HCN1: variants seen among roughly 807,000 people sequenced by gnomAD.
HCN1 encodes the protein potassium/sodium hyperpolarization-activated cyclic nucleotide-gated channel 1.
In HCN1, 13 loss-of-function variants were observed where a neutral mutation model predicts 78.9. The ratio of observed to expected loss-of-function variants is 0.16; its 90% CI spans 0.11 to 0.26. The LOEUF is 0.26. Ranked by LOEUF, HCN1 falls within the 10% of genes least tolerant of loss-of-function variation. The pLI is 1.00. For missense variants in HCN1, 810 were observed against 1,154.3 expected, an observed-to-expected ratio of 0.70 and a Z score of 4.32; for synonymous variants, 552 against 455.5, an observed-to-expected ratio of 1.21 and a Z score of -2.70.
chr5:45,378,612 T>C (rs1478062776), intron 4 of HCN1, among the ~76,000 whole-genome samples: 2 of 152,106 alleles, frequency 1.3e-5, no homozygotes. Flanking sequence ...TTGTTGTTTT[T>C]CTTTCATGTG....
chr5:45,462,486 T>A lies in HCN1; in HGVS notation c.850-479A>T, dbSNP rs529498277. On this transcript the variant is annotated intron_variant, in intron 2 of 7. Transcript: ENST00000303230. ...GCAAAATATGAAGTAATATTGATAA[T>A]AAATTACAGTTAAATTTATAGCTAT... Among the ~76,000 whole-genome samples, 408 of 152,216 alleles carry A rather than the reference T, an allele frequency of 2.7e-3. 2 individuals are homozygous for A. Among genetic ancestry groups the A allele is most frequent in the African/African-American group, 9.1e-3 (378 of 41,554 alleles).
intron 2 of HCN1, among the ~76,000 whole-genome samples, chr5:45,540,341 TGA>T (rs960062196): frequency 2.1e-5 from 3 of 143,458 alleles, no homozygotes; most frequent in South Asian, 2.2e-4. Context: ...TTTTTTTTTT[TGA>T]GAGAGAGAGA....
At chr5:45,337,118 T>G (rs1423861662) in intron 5 of HCN1, among the ~76,000 whole-genome samples, 1 of 152,086 alleles carries the variant, frequency 6.6e-6, no homozygotes, top group Non-Finnish European at 1.5e-5. Flanking sequence ...TCTATAATGG[T>G]ACCTTCCTCT....
chr5:45,373,927 T>TA (rs1747506826), intron 4 of HCN1, among the ~76,000 whole-genome samples: 6 of 128,110 alleles, frequency 4.7e-5, no homozygotes, highest in South Asian at 2.4e-4. Flanking sequence ...ATATACATCA[T>TA]ATATATTACA....
At chr5:45,535,520 C>T (rs558459736) in intron 2 of HCN1, among the ~76,000 whole-genome samples, 2 of 152,120 alleles carry the variant, frequency 1.3e-5, no homozygotes, top group East Asian at 3.9e-4. Context: ...ATCGCTTGAA[C>T]CTGGGAGGTG....
chr5:45,372,033 T>TATA (rs1491460231), intron 4 of HCN1, among the ~76,000 whole-genome samples: 1 of 63,164 alleles, frequency 1.6e-5, no homozygotes, highest in Non-Finnish European at 2.5e-5. Flanking sequence ...ATAATATAAT[T>TATA]ATATATATAT....
rs1744603521 is a variant in HCN1, at chr5:45,255,983, A to T, written c.*5938T>A. ...AACATAAAGTGGTCCTCTTTTGAAG[A>T]ATTATTATATTTACTAATTTATTCA... On this transcript the variant is annotated 3_prime_UTR_variant, in exon 8 of 8. Coordinates refer to ENST00000303230, the MANE Select transcript of HCN1 (RefSeq NM_021072.4). The T allele has an allele frequency of 6.6e-6, 1 of 152,146 alleles. No individual in the cohort carries two copies. 9.4% of individuals were successfully genotyped at this position (152,146 alleles called of 1,614,324 possible).
chr5:45,316,001 T>C (rs1745982361), intron 5 of HCN1, among the ~76,000 whole-genome samples: 1 of 152,204 alleles, frequency 6.6e-6, no homozygotes, highest in East Asian at 1.9e-4. Context: ...GAGGAGCTGG[T>C]ACCATTCCTT....
At chr5:45,518,138 A>ATC (rs889275712) in intron 2 of HCN1, among the ~76,000 whole-genome samples, 2 of 152,086 alleles carry the variant, frequency 1.3e-5, no homozygotes, top group African/African-American at 4.8e-5. Context: ...GACTGAAACA[A>ATC]CTTTATCTTA....
chr5:45,508,630 T>G (rs1579939179), intron 2 of HCN1, among the ~76,000 whole-genome samples: 1 of 152,066 alleles, frequency 6.6e-6, no homozygotes, highest in Non-Finnish European at 1.5e-5. Context: ...GCACTCTCAA[T>G]GAAAAAAACT....
At chr5:45,343,855 T>A (rs568427459) in intron 5 of HCN1, among the ~76,000 whole-genome samples, 1 of 151,220 alleles carries the variant, frequency 6.6e-6, no homozygotes, top group Non-Finnish European at 1.5e-5. Context: ...CAAAAAAAAA[T>A]TAAAAATAAA....
chr5:45,546,893 C>A (rs1743242210), intron 2 of HCN1, among the ~76,000 whole-genome samples: 2 of 151,794 alleles, frequency 1.3e-5, no homozygotes, highest in Non-Finnish European at 2.9e-5. Flanking sequence ...AAAAGTATTA[C>A]TTATATTGAA....
chr5:45,532,907 A>G (rs1223129149), intron 2 of HCN1, among the ~76,000 whole-genome samples: 1 of 152,210 alleles, frequency 6.6e-6, no homozygotes, highest in Admixed American at 6.5e-5. Flanking sequence ...TTGAGATACA[A>G]AACATTCCAA....
chr5:45,290,151 C>T (rs2111883267), intron 6 of HCN1, among the ~76,000 whole-genome samples: 1 of 152,138 alleles, frequency 6.6e-6, no homozygotes. Flanking sequence ...GTCTTGCCTG[C>T]CACCATGTAA....
chr5:45,297,514 C>T (rs1217527549), intron 6 of HCN1, among the ~76,000 whole-genome samples: 1 of 152,016 alleles, frequency 6.6e-6, no homozygotes, highest in Admixed American at 6.6e-5. Context: ...AAAGTTGTCA[C>T]CAGTAAATTC....
At chr5:45,608,853 T>G (rs1224637295) in intron 2 of HCN1, among the ~76,000 whole-genome samples, 1 of 152,004 alleles carries the variant, frequency 6.6e-6, no homozygotes, top group Non-Finnish European at 1.5e-5. Flanking sequence ...AAATGCAAGC[T>G]GCAAACTAGT....
chr5:45,293,190 T>C (rs917818540), intron 6 of HCN1, among the ~76,000 whole-genome samples: 10 of 152,050 alleles, frequency 6.6e-5, no homozygotes, highest in Non-Finnish European at 1.3e-4. Context: ...TCCACAGTGA[T>C]TGAACTACCA....
intron 2 of HCN1, chr5:45,644,931 A>G (rs1419881184): frequency 2.1e-5 from 11 of 531,444 alleles, no homozygotes; most frequent in Non-Finnish European, 3.6e-5. Flanking sequence ...TTGCTGATTA[A>G]AGTGCATTTA....
chr5:45,491,451 G>A (rs1430067580), intron 2 of HCN1, among the ~76,000 whole-genome samples: 1 of 151,964 alleles, frequency 6.6e-6, no homozygotes, highest in Admixed American at 6.6e-5. Context: ...GCAGGTAGGG[G>A]CCTTTAACTT....
Sources: allele counts gnomAD v4.1 joint callset (sites outside exome capture counted in the v4.1 genomes callset), GRCh38; gene constraint gnomAD v4.1.1; transcripts MANE v1.5; gene names NCBI Gene and HGNC (gene_info 2026-07-23, HGNC 2026-07-21).